Variants in PKMYT1 observed in about 807,000 individuals in gnomAD.
PKMYT1 encodes membrane-associated tyrosine- and threonine-specific cdc2-inhibitory kinase.
Under a neutral mutation model 49.7 loss-of-function variants are expected in PKMYT1, and 35 were observed. The observed-to-expected ratio is 0.70, with a 90% CI of 0.54 to 0.93. The LOEUF is 0.93. Ranked by LOEUF, PKMYT1 falls within the 40% of genes least tolerant of loss-of-function variation. The pLI is 0.00. For synonymous variants in PKMYT1, 331 were observed against 287.6 expected (o/e 1.15, Z -1.53); for missense variants, 677 against 673.1 (o/e 1.01, Z -0.06).
At position 2,977,300 on chromosome 16, in the gene PKMYT1, G is replaced by C. The variant is rs4149781; in HGVS notation, c.11-269C>G. On this transcript the variant is annotated intron_variant, in intron 2 of 8. Transcript: ENST00000262300. Reference sequence around the variant, plus strand: ...CGTGTTCTTGAGGGTCTTGCAGTCGGGTTAAGAGCAAGGCAGTTTGGAGTC... The same window carrying C: ...CGTGTTCTTGAGGGTCTTGCAGTCGCGTTAAGAGCAAGGCAGTTTGGAGTC... The C allele has an allele frequency of 2.3e-3, 2,919 of 1,286,914 alleles. 57 individuals carry two copies. The African/African-American group carries it at 0.038, about 17-fold the overall frequency. The allele number at this position is 1,286,914 out of a possible 1,614,324, so 79.7% of individuals were successfully genotyped here. A position where few individuals can be genotyped will look rare whatever the true frequency, so the allele number is the denominator to read the frequency against.
In PKMYT1 at chr16:2,973,002, T is replaced by C. The variant is rs762309599; in HGVS notation, c.1451A>G (p.Glu484Gly). 11 of 1,610,460 alleles carry C rather than the reference T, an allele frequency of 6.8e-6. No individual in the cohort carries two copies. The highest frequency in any genetic ancestry group is 9.3e-6 in the Non-Finnish European group (11 of 1,179,296). ...EPPRGSFPSF[E>G]PRNLLSLFED... ...AAACAGGCTGAGGAGGTTCCGAGGC[T>C]CAAAGGAGGGGAAGGAGCCCCGAGG... Residue 484 changes from glutamate (E) to glycine (G), a missense_variant, in exon 9 of 9, where the codon GAG becomes GGG. By Grantham distance (98) the Glu-to-Gly change is moderately conservative. Coordinates refer to ENST00000262300, the MANE Select transcript of PKMYT1 (RefSeq NM_004203.5).
At chr16:2,973,473 T>C (rs2072073523) in intron 7 of PKMYT1, 2 of 1,499,482 alleles carry the variant, frequency 1.3e-6, no homozygotes, top group South Asian at 1.2e-5. Context: ...AATAAACTTT[T>C]AGTAAATGTA....
chr16:2,977,569 C>A lies in PKMYT1; in HGVS notation c.11-538G>T, dbSNP rs1567389817. ...CCCCTGCCCCAGTGAAACAGCACAA[C>A]TGATGACGATTATTCAAAAGCAAGC... On this transcript the variant is annotated intron_variant, in intron 2 of 8. Transcript: ENST00000262300. The A allele has an allele frequency of 7.3e-6, 6 of 824,240 alleles. No homozygotes were observed. The South Asian group carries it at 3.3e-4, about 46-fold the overall frequency. The allele number at this position is 824,240 out of a possible 1,614,324, so 51.1% of individuals were successfully genotyped here.
At chr16:2,973,313 C>G (rs1399593700) in intron 7 of PKMYT1, 98 bp from the exon 8 acceptor site, 1 of 1,518,030 alleles carries the variant, frequency 6.6e-7, no homozygotes, top group African/African-American at 1.4e-5. Context: ...TCCCGCCTGA[C>G]AAACAGGCAG....
At chr16:2,976,577 G>A (rs2072199622) in intron 3 of PKMYT1, 87 bp downstream of exon 3, 4 of 1,306,148 alleles carry the variant, frequency 3.1e-6, no homozygotes, top group Non-Finnish European at 4.0e-6. Context: ...AGGGGATCAG[G>A]CTGCCCAGGA....
In PKMYT1 at chr16:2,974,438, C is replaced by T. The variant is rs754706812; in HGVS notation, c.980-21G>A. On this transcript the variant is annotated intron_variant, in intron 5 of 8. Coordinates refer to ENST00000262300, the MANE Select transcript of PKMYT1 (RefSeq NM_004203.5). Reference sequence around the variant, plus strand: ...CAGACCTGCCCATGAGGAAGGGCCACATCGGGGTCCCAGAACACCGACTGC... The same window carrying T: ...CAGACCTGCCCATGAGGAAGGGCCATATCGGGGTCCCAGAACACCGACTGC... 6 of 1,596,196 alleles carry T rather than the reference C, an allele frequency of 3.8e-6. No homozygotes were observed. In the Admixed American group the frequency reaches 6.8e-5, roughly 18 times the overall value.
intron 6 of PKMYT1, 28 bp downstream of exon 6, chr16:2,974,217 C>T (rs2072111802): frequency 6.4e-7 from 1 of 1,553,860 alleles, no homozygotes; most frequent in Non-Finnish European, 8.7e-7. Context: ...GGGAGCAGGG[C>T]AGGCAGCCGC....
At chr16:2,978,443 G>A (rs1029072347) in intron 2 of PKMYT1, among the ~76,000 whole-genome samples, 1 of 152,166 alleles carries the variant, frequency 6.6e-6, no homozygotes, top group Admixed American at 6.5e-5. Flanking sequence ...CCCTGTCAAA[G>A]GAGCTCAAAA....
chr16:2,973,476 T>G, intron 7 of PKMYT1: 1 of 1,494,230 alleles, frequency 6.7e-7, no homozygotes, highest in Non-Finnish European at 8.9e-7. Flanking sequence ...AAACTTTTAG[T>G]AAATGTAAGC....
chr16:2,973,156 C>A lies in PKMYT1; in HGVS notation c.1370G>T (p.Arg457Leu). The A allele has an allele frequency of 6.5e-7, 1 of 1,541,802 alleles. No individual in the cohort carries two copies. Among genetic ancestry groups the A allele is most frequent in the South Asian group, 1.2e-5 (1 of 82,368 alleles). Residue 457 changes from arginine to leucine, a missense_variant, in exon 8 of 9, where the codon CGG becomes CTG. Transcript: ENST00000262300. Reference protein sequence around the residue: ...ARTVGSTSTPRSRCTPRDALD... With the variant: ...ARTVGSTSTPLSRCTPRDALD... ...TGCTTACCTGGGTGTGCACCTGCTCCGGGGGGTGGAGGTGCTCCCCACAGT... is the reference window on the plus strand; with the variant it reads ...TGCTTACCTGGGTGTGCACCTGCTCAGGGGGGTGGAGGTGCTCCCCACAGT...
chr16:2,977,511 C>T (rs960362172), intron 2 of PKMYT1: 9 of 991,374 alleles, frequency 9.1e-6, no homozygotes, highest in African/African-American at 1.7e-5. Context: ...GTGGTGTCCA[C>T]TTCCAGAATG....
intron 1 of PKMYT1, 100 bp from the exon 2 acceptor site, chr16:2,980,012 T>A (rs2072298956): frequency 3.2e-6 from 1 of 314,752 alleles, no homozygotes; most frequent in African/African-American, 2.2e-5. Flanking sequence ...GAGGAAGGAC[T>A]GTCACGGGGA....
At chr16:2,973,102 C>A (rs145076396) in intron 8 of PKMYT1, 36 bp downstream of exon 8, 70 of 1,568,864 alleles carry the variant, frequency 4.5e-5, no homozygotes, top group Middle Eastern at 1.7e-4. Flanking sequence ...GATCCAAAAG[C>A]TAGCCCTGCC....
rs150931982 is a variant in PKMYT1 at position 2,973,184 on chromosome 16, G to A, written c.1342C>T (p.Arg448Trp). ...PSLSPEAVLA[R>W]TVGSTSTPRS... ...GGGGTGGAGGTGCTCCCCACAGTCC[G>A]GGCCAGGACAGCCTCAGGGGAGAGT... The change falls in exon 8 of 9, where the codon CGG (arginine) becomes TGG (tryptophan). Residue 448 changes from arginine to tryptophan, a missense_variant. By Grantham distance (101) the Arg-to-Trp change is moderately radical. Coordinates refer to ENST00000262300, the MANE Select transcript of PKMYT1 (RefSeq NM_004203.5). 5.3e-4 allele frequency: 805 copies of A among 1,524,460 alleles called. 4 individuals are homozygous for A. In the African/African-American group the frequency reaches 9.4e-3, roughly 18 times the overall value. 94.4% of individuals were successfully genotyped at this position (1,524,460 alleles called of 1,614,324 possible). A position where few individuals can be genotyped will look rare whatever the true frequency, so the allele number is the denominator to read the frequency against.
rs4149796 is a variant in PKMYT1, at chr16:2,975,773, G to A, written c.418C>T (p.Arg140Cys). The A allele has an allele frequency of 1.6e-4, 255 of 1,599,524 alleles. 1 individual carries two copies. In the East Asian group the frequency reaches 4.8e-3, roughly 30 times the overall value. ...KEDGRLYAVK[R>C]SMSPFRGPKD... The stretch of plus-strand genomic sequence containing the variant: ...GGGCCCCGGAATGGTGACATGGAAC[G>A]CTTTACCGCATAGAGCCGGCCGTCC... The change falls in exon 4 of 9, where the codon CGT (arginine) becomes TGT (cysteine). Residue 140 changes from arginine to cysteine, a missense_variant. Arg to Cys is a radical substitution (Grantham distance 180, BLOSUM62 -3). Transcript: ENST00000262300.
Position 2,974,252 on chromosome 16 carries a change from A to C in PKMYT1, c.1145T>G (p.Leu382Arg). ...CCACTGTCGGGAGCTTACCTGCCAC[A>C]GGGCCCACCCTCGGCTCAGGGCCTC... ...AAEALSRGWALWQALLALLCW... is the reference protein window; with the variant it reads ...AAEALSRGWARWQALLALLCW... The change falls in exon 6 of 9, where the codon CTG (leucine) becomes CGG (arginine). Residue 382 changes from leucine to arginine, a missense_variant. Coordinates refer to ENST00000262300, the MANE Select transcript of PKMYT1 (RefSeq NM_004203.5). 2 of 1,566,012 alleles carry C rather than the reference A, an allele frequency of 1.3e-6. No homozygotes were observed. Among genetic ancestry groups the C allele is most frequent in the Non-Finnish European group, 1.7e-6 (2 of 1,156,140 alleles).
At position 2,972,984 on chromosome 16, in the gene PKMYT1, C is replaced by A. The variant is rs1015481777; in HGVS notation, c.1469G>T (p.Ser490Ile). The change falls in exon 9 of 9, where the codon AGC (serine) becomes ATC (isoleucine). Residue 490 changes from serine (S) to isoleucine (I), a missense_variant. Ser to Ile is a moderately radical substitution (Grantham distance 142). Coordinates refer to ENST00000262300, the MANE Select transcript of PKMYT1 (RefSeq NM_004203.5). Reference sequence around the variant, plus strand: ...TGGGTCTAGGGTGTCCTCAAACAGGCTGAGGAGGTTCCGAGGCTCAAAGGA... The same window carrying A: ...TGGGTCTAGGGTGTCCTCAAACAGGATGAGGAGGTTCCGAGGCTCAAAGGA... Reference protein sequence around the residue: ...FPSFEPRNLLSLFEDTLDPT With the variant: ...FPSFEPRNLLILFEDTLDPT The A allele has an allele frequency of 1.9e-6, 3 of 1,610,048 alleles. No individual in the cohort carries two copies. Among genetic ancestry groups the A allele is most frequent in the Non-Finnish European group, 2.5e-6 (3 of 1,179,054 alleles).
intron 3 of PKMYT1, chr16:2,976,046 ACCCCAGGGGACCT>A (rs1411002432): frequency 2.0e-6 from 1 of 502,066 alleles, no homozygotes; most frequent in East Asian, 3.2e-5. Flanking sequence ...ACCTGCACTG[ACCCCAGGGGACCT>A]CTTGGATGTG....
At chr16:2,976,555 G>A in intron 3 of PKMYT1, 109 bp downstream of exon 3, 1 of 1,110,638 alleles carries the variant, frequency 9.0e-7, no homozygotes, top group South Asian at 3.0e-5. Context: ...GGGACAGGCT[G>A]TAGGGAACGG....
Sources: allele counts gnomAD v4.1 joint callset (sites outside exome capture counted in the v4.1 genomes callset), GRCh38; gene constraint gnomAD v4.1.1; transcripts MANE v1.5; gene names NCBI Gene and HGNC (gene_info 2026-07-23, HGNC 2026-07-21).